SERPINE2: variants seen among roughly 807,000 people sequenced by gnomAD.
The protein encoded by SERPINE2 is glia-derived nexin.
SERPINE2 carries 14 observed loss-of-function variants against 36.3 expected under a neutral mutation model. That is an observed-to-expected ratio of 0.39 (90% confidence interval 0.25 to 0.60). The LOEUF (loss-of-function observed/expected upper bound fraction) is 0.60, where lower values mean the gene tolerates loss of function less well. Ranked by LOEUF, SERPINE2 falls within the 20% of genes least tolerant of loss-of-function variation. SERPINE2 has a pLI of 0.57. For missense variants in SERPINE2, 418 were observed against 499.6 expected, an observed-to-expected ratio of 0.84 and a Z score of 1.56; for synonymous variants, 192 against 191.8, an observed-to-expected ratio of 1.00 and a Z score of -0.01.
chr2:224,012,602 C>CAA (rs35279856), intron 1 of SERPINE2, among the ~76,000 whole-genome samples: 2 of 135,644 alleles, frequency 1.5e-5, no homozygotes, highest in Non-Finnish European at 3.2e-5. Flanking sequence ...GACTCCATCC[C>CAA]AAAAAAAAAA....
intron 1 of SERPINE2, among the ~76,000 whole-genome samples, chr2:224,034,793 G>C (rs953460765): frequency 1.3e-5 from 2 of 152,164 alleles, no homozygotes; most frequent in African/African-American, 4.8e-5. Context: ...CTCCACCCAG[G>C]GGGGCTGCGA....
chr2:224,033,092 T>G (rs995867766), intron 1 of SERPINE2, among the ~76,000 whole-genome samples: 1 of 152,222 alleles, frequency 6.6e-6, no homozygotes, highest in Non-Finnish European at 1.5e-5. Flanking sequence ...TTTATTGCAT[T>G]TGACTCCATT....
At chr2:224,015,749 C>T (rs751268269) in intron 1 of SERPINE2, among the ~76,000 whole-genome samples, 9 of 152,132 alleles carry the variant, frequency 5.9e-5, no homozygotes, top group Admixed American at 6.5e-5. Flanking sequence ...ACATTAAAAG[C>T]CTGAGTTTCA....
chr2:224,022,198 G>A (rs11675323), intron 1 of SERPINE2, among the ~76,000 whole-genome samples: 20,008 of 148,592 alleles, frequency 0.13, 1,597 homozygotes, highest in East Asian at 0.2. Flanking sequence ...CAGGTGTGGC[G>A]GCTCACGTCT....
rs756905399 is a variant in SERPINE2, at chr2:224,001,723, A to C, written c.178T>G (p.Ser60Ala). 9.9e-6 allele frequency: 16 copies of C among 1,614,154 alleles called. 1 individual carries two copies. In the South Asian group the frequency reaches 1.8e-4, roughly 18 times the overall value. ...CCCAGCTGAAGCATCCCCAGGACCG[A>C]CGCAATCCCATGGGGAGAGATCACG... ...NIVISPHGIA[S>A]VLGMLQLGAD... Residue 60 changes from serine (S) to alanine (A), a missense_variant, in exon 2 of 9, where the codon TCG becomes GCG. Ser to Ala is a moderately conservative substitution (Grantham distance 99). Transcript: ENST00000409304.
intron 4 of SERPINE2, among the ~76,000 whole-genome samples, chr2:223,988,588 G>A (rs1690528721): frequency 6.6e-6 from 1 of 152,146 alleles, no homozygotes; most frequent in African/African-American, 2.4e-5. Flanking sequence ...ATATAAATTT[G>A]TTATTCTTCA....
At chr2:224,014,933 C>A (rs992329496) in intron 1 of SERPINE2, among the ~76,000 whole-genome samples, 1 of 152,218 alleles carries the variant, frequency 6.6e-6, no homozygotes, top group Non-Finnish European at 1.5e-5. Flanking sequence ...GCATGGTTCT[C>A]CACCTGGGTG....
intron 1 of SERPINE2, among the ~76,000 whole-genome samples, chr2:224,025,221 C>A (rs1462097845): frequency 6.6e-6 from 1 of 152,196 alleles, no homozygotes; most frequent in Non-Finnish European, 1.5e-5. Flanking sequence ...CCTGCCCGCC[C>A]CTTGCCCAGT....
chr2:224,003,161 G>A (rs1359766205), intron 1 of SERPINE2, among the ~76,000 whole-genome samples: 2 of 152,090 alleles, frequency 1.3e-5, no homozygotes, highest in Non-Finnish European at 2.9e-5. Context: ...TAAACAGTAC[G>A]CTGGGCAGAG....
chr2:224,005,059 TATATATTA>T (rs1386442344), intron 1 of SERPINE2, among the ~76,000 whole-genome samples: 4 of 7,986 alleles, frequency 5.0e-4, no homozygotes, highest in Non-Finnish European at 9.9e-4. Flanking sequence ...ATATATTTTA[TATATATTA>T]TATATATATA....
At chr2:224,026,081 T>C (rs1692171777) in intron 1 of SERPINE2, among the ~76,000 whole-genome samples, 2 of 152,174 alleles carry the variant, frequency 1.3e-5, no homozygotes, top group East Asian at 3.9e-4. Flanking sequence ...AAATCTCCCA[T>C]ATGCAGTCCT....
At chr2:223,996,907 C>T (rs1690910617) in intron 3 of SERPINE2, among the ~76,000 whole-genome samples, 1 of 152,016 alleles carries the variant, frequency 6.6e-6, no homozygotes, top group African/African-American at 2.4e-5. Context: ...TGAGACCCCA[C>T]CTCTTCAAAA....
chr2:224,034,001 C>T (rs974599568), intron 1 of SERPINE2, among the ~76,000 whole-genome samples: 1 of 152,150 alleles, frequency 6.6e-6, no homozygotes, highest in Admixed American at 6.5e-5. Context: ...AGAGAGAGCT[C>T]CCCTTTGAGT....
Position 224,001,733 on chromosome 2 carries a change from A to G in SERPINE2, c.168T>C (p.His56=). The change falls in exon 2 of 9, where the codon CAT becomes CAC. Residue 56 remains histidine (H), a synonymous_variant. Transcript: ENST00000409304. ...RPHDNIVISP[H]GIASVLGMLQ... ...GCATCCCCAGGACCGACGCAATCCC[A>G]TGGGGAGAGATCACGATGTTGTCAT... 1 of 1,614,114 alleles carries G rather than the reference A, an allele frequency of 6.2e-7. No individual in the cohort carries two copies. Among genetic ancestry groups the G allele is most frequent in the Non-Finnish European group, 8.5e-7 (1 of 1,180,010 alleles).
At chr2:223,985,805 C>A (rs905553334) in intron 4 of SERPINE2, among the ~76,000 whole-genome samples, 2 of 152,194 alleles carry the variant, frequency 1.3e-5, no homozygotes, top group African/African-American at 4.8e-5. Context: ...TCACTCTTCA[C>A]CCATTCCAGT....
In SERPINE2 at chr2:224,038,400, T is replaced by G. The variant is rs143331378; in HGVS notation, c.-23+699A>C. The G allele has an allele frequency of 4.6e-6, 5 of 1,097,332 alleles. 1 individual carries two copies. The highest frequency in any genetic ancestry group is 3.9e-4 in the Middle Eastern group (2 of 5,164). 68.0% of individuals were successfully genotyped at this position (1,097,332 alleles called of 1,614,324 possible). A position where few individuals can be genotyped will look rare whatever the true frequency, so the allele number is the denominator to read the frequency against. On this transcript the variant is annotated intron_variant, in intron 1 of 8. Transcript: ENST00000409304. The stretch of plus-strand genomic sequence containing the variant: ...CCTGAAGGTGGAGTGCTGTCTTATG[T>G]AATAGAAGCCTTCCTTCCCCGCTCA...
intron 5 of SERPINE2, among the ~76,000 whole-genome samples, chr2:223,983,007 T>C (rs1421322494): frequency 6.6e-6 from 1 of 152,230 alleles, no homozygotes; most frequent in Non-Finnish European, 1.5e-5. Flanking sequence ...ACGGCAAGAA[T>C]AGGCGCTCCC....
intron 1 of SERPINE2, among the ~76,000 whole-genome samples, chr2:224,017,475 T>C (rs556446433): frequency 6.6e-6 from 1 of 152,344 alleles, no homozygotes; most frequent in Non-Finnish European, 1.5e-5. Flanking sequence ...GCTACAGTTT[T>C]AGGGTGCTTG....
intron 1 of SERPINE2, among the ~76,000 whole-genome samples, chr2:224,021,319 C>T (rs575555547): frequency 5.3e-5 from 8 of 152,266 alleles, no homozygotes; most frequent in African/African-American, 1.9e-4. Flanking sequence ...TCTTCCATTT[C>T]AAACGGAGCT....
Sources: gnomAD v4.1 joint callset for allele counts (sites outside exome capture counted in the v4.1 genomes callset) on GRCh38, gnomAD v4.1.1 for gene constraint, MANE v1.5 for transcripts, NCBI Gene and HGNC (gene_info 2026-07-23, HGNC 2026-07-21) for gene names.